Variants in ACSM1 observed in about 807,000 individuals in gnomAD.
ACSM1 encodes the protein acyl-coenzyme A synthetase ACSM1, mitochondrial.
ACSM1 carries 79 observed loss-of-function variants against 75.8 expected under a neutral mutation model. The ratio of observed to expected loss-of-function variants is 1.04; its 90% confidence interval spans 0.87 to 1.26. The LOEUF (loss-of-function observed/expected upper bound fraction) is 1.26, where lower values mean the gene tolerates loss of function less well. Ranked by LOEUF, ACSM1 falls within the 50% of genes most tolerant of loss-of-function variation. ACSM1 has a pLI of 0.00. For missense variants in ACSM1, 676 were observed against 720.1 expected, an observed-to-expected ratio of 0.94 and a Z score of 0.70; for synonymous variants, 279 against 265.8, an observed-to-expected ratio of 1.05 and a Z score of -0.48.
rs963011864 is a variant in ACSM1 at position 20,625,638 on chromosome 16, C to T, written c.1428-116G>A. ...ACAGAGGGTGGAGGTCATAGGAAGC[C>T]AGGGACCCCTGACTTGTCTGTGTCA... On this transcript the variant is annotated intron_variant, in intron 11 of 13. Coordinates refer to ENST00000520010, the MANE Select transcript of ACSM1 (RefSeq NM_001318890.3). 4.6e-6 allele frequency: 4 copies of T among 877,610 alleles called. No individual in the cohort carries two copies. In the African/African-American group the frequency reaches 5.0e-5, roughly 11 times the overall value. 54.4% of individuals were successfully genotyped at this position (877,610 alleles called of 1,614,324 possible).
At chr16:20,649,372 A>T (rs1439103718) in intron 7 of ACSM1, among the ~76,000 whole-genome samples, 3 of 152,142 alleles carry the variant, frequency 2.0e-5, no homozygotes, top group Non-Finnish European at 2.9e-5. Flanking sequence ...CCCTGAACAT[A>T]TTTCTCTGCC....
At chr16:20,627,824 ATCTCTCTC>A (rs68102086) in intron 10 of ACSM1, among the ~76,000 whole-genome samples, 8,331 of 98,944 alleles carry the variant, frequency 0.084, 556 homozygotes, top group East Asian at 0.23. Flanking sequence ...GTGAGACTTC[ATCTCTCTC>A]TCTCTCTCTC....
chr16:20,635,567 G>A (rs12923216), intron 10 of ACSM1, among the ~76,000 whole-genome samples: 16 of 150,840 alleles, frequency 1.1e-4, no homozygotes, highest in Middle Eastern at 3.4e-3. Context: ...GTTACCCCAT[G>A]TTTAATTTTT....
chr16:20,685,771 G>C (rs1255093950), intron 2 of ACSM1, among the ~76,000 whole-genome samples: 2 of 139,004 alleles, frequency 1.4e-5, no homozygotes, highest in East Asian at 4.2e-4. Context: ...AGTGAGCCAA[G>C]ATTGCACCAT....
chr16:20,692,929 G>A (rs190704038), intron 1 of ACSM1, among the ~76,000 whole-genome samples: 1 of 152,190 alleles, frequency 6.6e-6, no homozygotes, highest in Admixed American at 6.5e-5. Context: ...CCAGCCCTTT[G>A]GGAGGCTGAG....
At chr16:20,635,603 T>TC (rs2017639612) in intron 10 of ACSM1, among the ~76,000 whole-genome samples, 1 of 79,522 alleles carries the variant, frequency 1.3e-5, no homozygotes. Flanking sequence ...TTTCTTTCTT[T>TC]CTTTCTTTCT....
intron 7 of ACSM1, among the ~76,000 whole-genome samples, chr16:20,649,031 G>C (rs559344777): frequency 1.3e-5 from 2 of 152,220 alleles, no homozygotes; most frequent in South Asian, 4.1e-4. Context: ...CATTCTGAAG[G>C]CTCCCATGTA....
chr16:20,691,060 A>C lies in ACSM1; in HGVS notation c.129T>G (p.Tyr43Ter), dbSNP rs1286355338. 6.2e-7 allele frequency: 1 copy of C among 1,613,812 alleles called. No individual in the cohort carries two copies. Among genetic ancestry groups the C allele is most frequent in the Non-Finnish European group, 8.5e-7 (1 of 1,179,916 alleles). The change falls in exon 2 of 14, where the codon TAT (tyrosine) becomes TAG (stop). Residue 43 changes from tyrosine to a stop codon, truncating the protein, a stop_gained. Transcript: ENST00000520010. LOFTEE classifies it high-confidence loss of function. The part of the protein sequence containing the change: ...SEFGAPRWND[Y>*]EVPEEFNFAS... ...CAAAGTTAAATTCCTCCGGTACTTC[A>C]TAGTCATTCCATCTTGGGGCTCCAA...
At chr16:20,629,946 C>T (rs550422521) in intron 10 of ACSM1, among the ~76,000 whole-genome samples, 2 of 148,088 alleles carry the variant, frequency 1.4e-5, no homozygotes, top group South Asian at 2.1e-4. Flanking sequence ...GAGCTGAAAT[C>T]GCACCACTGC....
At chr16:20,652,063 T>C (rs2018677994) in intron 7 of ACSM1, among the ~76,000 whole-genome samples, 1 of 152,178 alleles carries the variant, frequency 6.6e-6, no homozygotes, top group Admixed American at 6.5e-5. Flanking sequence ...TAAATATCCT[T>C]AAAACTAACC....
intron 7 of ACSM1, among the ~76,000 whole-genome samples, chr16:20,656,180 T>A (rs923099603): frequency 1.3e-5 from 2 of 152,150 alleles, no homozygotes; most frequent in Non-Finnish European, 2.9e-5. Context: ...TTTGAGCATG[T>A]CTTTTATTCT....
intron 11 of ACSM1, among the ~76,000 whole-genome samples, chr16:20,626,968 G>T (rs547226731): frequency 6.6e-6 from 1 of 151,944 alleles, no homozygotes; most frequent in East Asian, 1.9e-4. Context: ...TCTTATTATG[G>T]CTCCTCTTCC....
chr16:20,682,808 G>A (rs866699310), intron 3 of ACSM1, among the ~76,000 whole-genome samples: 2 of 152,170 alleles, frequency 1.3e-5, no homozygotes, highest in African/African-American at 4.8e-5. Context: ...ACAGAACAGT[G>A]TCTCTGACAT....
chr16:20,694,210 G>A (rs1208702863), intron 1 of ACSM1, among the ~76,000 whole-genome samples: 1 of 152,158 alleles, frequency 6.6e-6, no homozygotes, highest in African/African-American at 2.4e-5. Context: ...GACAAATACA[G>A]AATGTGAGGT....
In ACSM1 at chr16:20,661,683, C is replaced by T. The variant is rs2019307704; in HGVS notation, c.992+111G>A. The T allele has an allele frequency of 4.2e-6, 3 of 719,228 alleles. No homozygotes were observed. The African/African-American group carries it at 5.3e-5, about 13-fold the overall frequency. The allele number at this position is 719,228 out of a possible 1,614,324, so 44.6% of individuals were successfully genotyped here. A position where few individuals can be genotyped will look rare whatever the true frequency, so the allele number is the denominator to read the frequency against. On this transcript the variant is annotated intron_variant, in intron 7 of 13. Transcript: ENST00000520010. ...GATCATCATCGCCACCAACACTTAA[C>T]ACACAAACACACACACACTCCTCAA...
At chr16:20,635,854 T>C (rs2017675353) in intron 10 of ACSM1, among the ~76,000 whole-genome samples, 2 of 152,140 alleles carry the variant, frequency 1.3e-5, no homozygotes, top group Non-Finnish European at 2.9e-5. Context: ...TCAACCAGGC[T>C]GGTTTCGAAC....
At chr16:20,678,981 T>C (rs1038941337) in intron 4 of ACSM1, among the ~76,000 whole-genome samples, 10 of 152,190 alleles carry the variant, frequency 6.6e-5, no homozygotes, top group African/African-American at 2.4e-4. Context: ...ACTTTAAGTA[T>C]GGCCATGCAA....
At chr16:20,637,532 C>A in intron 8 of ACSM1, 81 bp from the exon 9 acceptor site, 3 of 1,200,500 alleles carry the variant, frequency 2.5e-6, no homozygotes, top group Non-Finnish European at 3.7e-6. Flanking sequence ...ACACAGCATC[C>A]TCTGCTCAGA....
chr16:20,643,993 G>C (rs1329121248), intron 7 of ACSM1, among the ~76,000 whole-genome samples: 1 of 151,904 alleles, frequency 6.6e-6, no homozygotes, highest in African/African-American at 2.4e-5. Context: ...AGTGCTGATT[G>C]GTGTTTTTTT....
Sources: gnomAD v4.1 joint callset for allele counts (sites outside exome capture counted in the v4.1 genomes callset) on GRCh38, gnomAD v4.1.1 for gene constraint, MANE v1.5 for transcripts, NCBI Gene and HGNC (gene_info 2026-07-23, HGNC 2026-07-21) for gene names.